METRNL: variants seen among roughly 807,000 people sequenced by gnomAD.
The protein encoded by METRNL is meteorin like, glial cell differentiation regulator, also known as meteorin-like protein.
In METRNL, 9 loss-of-function variants were observed where a neutral mutation model predicts 17.4. The ratio of observed to expected loss-of-function variants is 0.52; its 90% CI spans 0.31 to 0.90. The LOEUF (loss-of-function observed/expected upper bound fraction) is 0.90, where lower values mean the gene tolerates loss of function less well. Among genes scored for constraint, METRNL ranks in the 40% least tolerant of loss-of-function variants. METRNL has a pLI of 0.05. For synonymous variants in METRNL, 215 were observed against 199.3 expected (o/e 1.08, Z -0.66); for missense variants, 408 against 430.7 (o/e 0.95, Z 0.47).
chr17:83,079,739 C>A lies in METRNL; in HGVS notation c.-77C>A. ...CCCGGACTCGAAGCCCGCCCCGCCC[C>A]CGCCCGGCTCGCCGGCTCCGGGGTC... On this transcript the variant is annotated 5_prime_UTR_variant, in exon 1 of 4. Transcript: ENST00000320095. 1 of 676,646 alleles carries A rather than the reference C, an allele frequency of 1.5e-6. No homozygotes were observed. The highest frequency in any genetic ancestry group is 1.8e-6 in the Non-Finnish European group (1 of 551,638). The allele number at this position is 676,646 out of a possible 1,614,324, so 41.9% of individuals were successfully genotyped here.
At chr17:83,088,856 A>G (rs1325255531) in intron 2 of METRNL, among the ~76,000 whole-genome samples, 1 of 152,160 alleles carries the variant, frequency 6.6e-6, no homozygotes, top group Non-Finnish European at 1.5e-5. Context: ...AAAAGTGTGG[A>G]AGATAATTCT....
At chr17:83,085,354 G>A (rs2038040807) in intron 2 of METRNL, 31 bp downstream of exon 2, 11 of 1,510,678 alleles carry the variant, frequency 7.3e-6, no homozygotes, top group Non-Finnish European at 9.7e-6. Flanking sequence ...GGGGGCGGCG[G>A]GCCTCGTCAT....
At chr17:83,085,370 G>A in intron 2 of METRNL, 47 bp downstream of exon 2, 1 of 1,508,316 alleles carries the variant, frequency 6.6e-7, no homozygotes, top group South Asian at 1.3e-5. Flanking sequence ...GTCATCACGG[G>A]GCTGGTGATG....
chr17:83,083,390 C>T lies in METRNL; in HGVS notation c.171-1548C>T, dbSNP rs916941663. On this transcript the variant is annotated intron_variant, in intron 1 of 3. Transcript: ENST00000320095. ...AGCACGGGCAGGAGGACAGTGGCCT[C>T]GATGCCAGAGACGGGAGGGAGAGAC... 3.3e-5 allele frequency among the ~76,000 whole-genome samples: 5 copies of T among 152,120 alleles called. 1 individual carries two copies. The highest frequency in any genetic ancestry group is 2.0e-4 in the Admixed American group (3 of 15,282).
intron 1 of METRNL, among the ~76,000 whole-genome samples, chr17:83,082,474 A>G (rs2038001108): frequency 6.6e-6 from 1 of 152,194 alleles, no homozygotes; most frequent in South Asian, 2.1e-4. Context: ...TGACTTTTAA[A>G]AGTGTATCTG....
chr17:83,080,827 C>A (rs111380609), intron 1 of METRNL, among the ~76,000 whole-genome samples: 4 of 149,632 alleles, frequency 2.7e-5, no homozygotes, highest in Non-Finnish European at 6.0e-5. Flanking sequence ...CCGGGCTGGC[C>A]CGGGCCTGGG....
At chr17:83,084,192 A>G (rs911285964) in intron 1 of METRNL, 1 of 152,224 alleles carries the variant, frequency 6.6e-6, no homozygotes. Context: ...ATATTTACAA[A>G]TACCGTCGGC....
At chr17:83,093,064 C>T (rs2038158924) in intron 2 of METRNL, 103 bp from the exon 3 acceptor site, 3 of 951,028 alleles carry the variant, frequency 3.2e-6, no homozygotes, top group Non-Finnish European at 4.9e-6. Flanking sequence ...GACACCCTCC[C>T]TGACTTGGCT....
chr17:83,090,564 A>T (rs1367376790), intron 2 of METRNL, among the ~76,000 whole-genome samples: 1 of 131,552 alleles, frequency 7.6e-6, no homozygotes, highest in Non-Finnish European at 1.6e-5. Flanking sequence ...GACTTCCGGC[A>T]CCTCCTGCCT....
chr17:83,080,032 C>T, intron 1 of METRNL, 47 bp downstream of exon 1: 1 of 995,788 alleles, frequency 1.0e-6, no homozygotes, highest in South Asian at 4.5e-5. Flanking sequence ...CCCCTCGCGT[C>T]CCCTCCCGTC....
intron 2 of METRNL, among the ~76,000 whole-genome samples, chr17:83,086,624 T>G (rs1482397483): frequency 2.0e-5 from 3 of 152,270 alleles, no homozygotes; most frequent in East Asian, 3.9e-4. Flanking sequence ...GGCCAGATGT[T>G]AGGAACTTGC....
rs768208810 is a variant in METRNL at position 83,084,989 on chromosome 17, C to T, written c.222C>T (p.Arg74=). The T allele has an allele frequency of 3.1e-6, 5 of 1,613,878 alleles. No homozygotes were observed. The South Asian group carries it at 5.5e-5, about 18-fold the overall frequency. The change falls in exon 2 of 4, where the codon CGC becomes CGT. Residue 74 remains arginine (R), a synonymous_variant. Transcript: ENST00000320095. ...AGGAGGTGGAGCAGGTGTATCTGCG[C>T]TGTGCGGCGGGTGCCGTGGAGTGGA... ...HRKEVEQVYL[R]CAAGAVEWMY...
intron 2 of METRNL, among the ~76,000 whole-genome samples, chr17:83,087,653 C>A (rs1403261021): frequency 1.3e-5 from 2 of 152,224 alleles, no homozygotes; most frequent in Non-Finnish European, 2.9e-5. Context: ...GACGCCATCC[C>A]CTGGGCCAGG....
intron 2 of METRNL, among the ~76,000 whole-genome samples, chr17:83,087,995 G>A (rs574235135): frequency 3.3e-5 from 5 of 152,334 alleles, no homozygotes; most frequent in South Asian, 2.1e-4. Context: ...ATCGTGGTGC[G>A]TTCATGCTGC....
At chr17:83,088,644 C>T (rs2038080145) in intron 2 of METRNL, among the ~76,000 whole-genome samples, 1 of 151,982 alleles carries the variant, frequency 6.6e-6, no homozygotes, top group Admixed American at 6.5e-5. Flanking sequence ...ATCATGAGCA[C>T]GTGGTGCCGT....
intron 2 of METRNL, among the ~76,000 whole-genome samples, chr17:83,091,004 C>T (rs769098492): frequency 4.6e-5 from 7 of 152,138 alleles, no homozygotes; most frequent in Non-Finnish European, 1.0e-4. Flanking sequence ...CCCGGGGCCC[C>T]CATAGGAGAG....
At chr17:83,085,722 CCT>C in intron 2 of METRNL, among the ~76,000 whole-genome samples, 1 of 152,340 alleles carries the variant, frequency 6.6e-6, no homozygotes, top group East Asian at 1.9e-4. Flanking sequence ...TGAGCATCCC[CCT>C]GTGGCGGCCG....
At chr17:83,083,898 T>A (rs2038017863) in intron 1 of METRNL, among the ~76,000 whole-genome samples, 1 of 152,220 alleles carries the variant, frequency 6.6e-6, no homozygotes, top group South Asian at 2.1e-4. Context: ...AACACTTAGT[T>A]GAAGTCACCG....
rs763773718 is a variant in METRNL at position 83,093,160 on chromosome 17, TCTC to T, written c.557-5_557-3del. 4 of 1,606,872 alleles carry T rather than the reference TCTC, an allele frequency of 2.5e-6. No individual in the cohort carries two copies. In the East Asian group the frequency reaches 8.9e-5, roughly 36 times the overall value. ...GGCTGCTTCCTGACTCTGCCTTTCTTCTCCAGCGCCGTGCCGTCCCTGCAGTGA... is the reference window on the plus strand; with the variant it reads ...GGCTGCTTCCTGACTCTGCCTTTCTTCAGCGCCGTGCCGTCCCTGCAGTGA... On this transcript the variant is annotated splice_region_variant and splice_polypyrimidine_tract_variant and intron_variant, in intron 2 of 3. Coordinates refer to ENST00000320095, the MANE Select transcript of METRNL (RefSeq NM_001004431.3).
Sources: gnomAD v4.1 joint callset for allele counts (sites outside exome capture counted in the v4.1 genomes callset) on GRCh38, gnomAD v4.1.1 for gene constraint, MANE v1.5 for transcripts, NCBI Gene and HGNC (gene_info 2026-07-23, HGNC 2026-07-21) for gene names.